XKR6: variants seen among roughly 807,000 people sequenced by gnomAD.
XKR6 encodes the protein XK-related protein 6.
A neutral mutation model predicts 56.7 loss-of-function variants in XKR6; 22 were observed. That is an observed-to-expected ratio of 0.39 (90% CI 0.28 to 0.55). The LOEUF (loss-of-function observed/expected upper bound fraction) is 0.55. Ranked by LOEUF, XKR6 falls within the 20% of genes least tolerant of loss-of-function variation. The pLI is 0.66. For missense variants in XKR6, 852 were observed against 889.0 expected, an observed-to-expected ratio of 0.96 and a Z score of 0.53; for synonymous variants, 524 against 387.8, an observed-to-expected ratio of 1.35 and a Z score of -4.13.
At chr8:11,135,477 T>C (rs1258916354) in intron 1 of XKR6, among the ~76,000 whole-genome samples, 1 of 152,236 alleles carries the variant, frequency 6.6e-6, no homozygotes, top group Non-Finnish European at 1.5e-5. Context: ...AATATCATTG[T>C]AACAATTAGG....
intron 1 of XKR6, among the ~76,000 whole-genome samples, chr8:10,979,928 G>A (rs1433107636): frequency 6.6e-6 from 1 of 152,180 alleles, no homozygotes; most frequent in African/African-American, 2.4e-5. Context: ...TGACCCCAAG[G>A]GAAGAGTCAA....
intron 1 of XKR6, among the ~76,000 whole-genome samples, chr8:10,929,224 T>C (rs2129119046): frequency 6.6e-6 from 1 of 152,368 alleles, no homozygotes; most frequent in East Asian, 1.9e-4. Flanking sequence ...TGACATTCAC[T>C]TGTGCCAGGC....
chr8:11,128,484 C>T (rs1368206856), intron 1 of XKR6, among the ~76,000 whole-genome samples: 1 of 152,170 alleles, frequency 6.6e-6, no homozygotes, highest in South Asian at 2.1e-4. Context: ...ATATTTAAAA[C>T]CAAATGCCTG....
chr8:10,910,984 G>A lies in XKR6; in HGVS notation c.962-12068C>T, dbSNP rs567056776. On this transcript the variant is annotated intron_variant, in intron 2 of 2. Coordinates refer to ENST00000416569, the MANE Select transcript of XKR6 (RefSeq NM_173683.4). ...TCATTGAGGAGCAACAGCCCACCAG[G>A]CACAATGCCCTGTTGCTCCCAGAAG... Among the ~76,000 whole-genome samples, 11 of 152,248 alleles carry A rather than the reference G, an allele frequency of 7.2e-5. No homozygotes were observed. In the East Asian group the frequency reaches 1.7e-3, roughly 24 times the overall value.
chr8:11,085,913 G>C (rs968424828), intron 1 of XKR6, among the ~76,000 whole-genome samples: 3 of 152,108 alleles, frequency 2.0e-5, no homozygotes. Context: ...ATGTCTGCAG[G>C]TGGGACCCAG....
At chr8:11,157,755 T>C (rs1356564659) in intron 1 of XKR6, among the ~76,000 whole-genome samples, 1 of 152,186 alleles carries the variant, frequency 6.6e-6, no homozygotes, top group Non-Finnish European at 1.5e-5. Context: ...TCTCAAGCAA[T>C]CCTTCCATCT....
chr8:11,143,331 A>G (rs186211498), intron 1 of XKR6, among the ~76,000 whole-genome samples: 7 of 152,318 alleles, frequency 4.6e-5, no homozygotes, highest in Non-Finnish European at 1.0e-4. Context: ...TGGCAAGACC[A>G]AGTCCCTTCT....
At chr8:10,949,605 G>A (rs1247346013) in intron 1 of XKR6, among the ~76,000 whole-genome samples, 1 of 152,256 alleles carries the variant, frequency 6.6e-6, no homozygotes, top group Non-Finnish European at 1.5e-5. Context: ...TACACCGTTA[G>A]TGCCCTAACA....
At chr8:11,068,950 G>T (rs1023041890) in intron 1 of XKR6, among the ~76,000 whole-genome samples, 4 of 152,178 alleles carry the variant, frequency 2.6e-5, no homozygotes, top group African/African-American at 9.7e-5. Context: ...CCCTCCCCAG[G>T]CTGCTCCTTT....
intron 1 of XKR6, among the ~76,000 whole-genome samples, chr8:11,110,504 A>C (rs574223986): frequency 6.6e-6 from 1 of 152,322 alleles, no homozygotes; most frequent in South Asian, 2.1e-4. Context: ...CGAACATTCC[A>C]CTGAGCTTCT....
At chr8:11,185,675 C>A (rs1442176019) in intron 1 of XKR6, among the ~76,000 whole-genome samples, 1 of 152,154 alleles carries the variant, frequency 6.6e-6, no homozygotes, top group Non-Finnish European at 1.5e-5. Flanking sequence ...GCTCACAAAC[C>A]AAGATCCAAT....
intron 1 of XKR6, among the ~76,000 whole-genome samples, chr8:11,179,842 T>C (rs1377222906): frequency 1.3e-5 from 2 of 152,118 alleles, no homozygotes; most frequent in Non-Finnish European, 2.9e-5. Flanking sequence ...ACAGGACTTT[T>C]TAAAAAGTAG....
intron 1 of XKR6, among the ~76,000 whole-genome samples, chr8:11,023,357 TGATCACAGCAA>T (rs1205619774): frequency 6.6e-6 from 1 of 152,208 alleles, no homozygotes; most frequent in African/African-American, 2.4e-5. Context: ...TGCAGTGGCA[TGATCACAGCAA>T]GAAATCCTCT....
intron 1 of XKR6, among the ~76,000 whole-genome samples, chr8:11,032,371 G>A (rs764602376): frequency 1.3e-5 from 2 of 152,218 alleles, no homozygotes; most frequent in Non-Finnish European, 2.9e-5. Context: ...ATTTTCCTGA[G>A]CAAAGCTGTT....
At chr8:11,171,715 A>G (rs113373630) in intron 1 of XKR6, among the ~76,000 whole-genome samples, 1,579 of 152,130 alleles carry the variant, frequency 0.01, 30 homozygotes, top group African/African-American at 0.036. Flanking sequence ...TTCTTGTACA[A>G]CCTGCAAAAT....
intron 1 of XKR6, among the ~76,000 whole-genome samples, chr8:11,198,407 T>G (rs1228876351): frequency 2.1e-5 from 3 of 146,150 alleles, no homozygotes; most frequent in African/African-American, 7.6e-5. Context: ...ATAAGTTAAC[T>G]TTAGGAAATA....
intron 2 of XKR6, among the ~76,000 whole-genome samples, chr8:10,906,297 T>G (rs868120170): frequency 6.6e-6 from 1 of 152,172 alleles, no homozygotes; most frequent in Admixed American, 6.6e-5. Context: ...ACACCACCGG[T>G]CAGGATCAGC....
intron 1 of XKR6, among the ~76,000 whole-genome samples, chr8:11,184,966 C>T (rs1210383571): frequency 6.6e-6 from 1 of 152,202 alleles, no homozygotes; most frequent in Admixed American, 6.5e-5. Context: ...TTTAGTTACA[C>T]AGTTGATAAG....
At chr8:10,916,072 A>T (rs1800556138) in intron 2 of XKR6, among the ~76,000 whole-genome samples, 1 of 152,248 alleles carries the variant, frequency 6.6e-6, no homozygotes, top group Admixed American at 6.5e-5. Flanking sequence ...TGACCCCAAG[A>T]TCAGCACTGT....
Sources: allele counts gnomAD v4.1 joint callset (sites outside exome capture counted in the v4.1 genomes callset), GRCh38; gene constraint gnomAD v4.1.1; transcripts MANE v1.5; gene names NCBI Gene and HGNC (gene_info 2026-07-23, HGNC 2026-07-21).